The following PELI1 variants were observed in gnomAD, a reference collection of about 807,000 sequenced individuals.
PELI1 encodes the protein E3 ubiquitin-protein ligase pellino homolog 1.
In PELI1, 15 loss-of-function variants were observed where a neutral mutation model predicts 41.3. The ratio of observed to expected loss-of-function variants is 0.36; its 90% CI spans 0.24 to 0.56. PELI1 has a LOEUF of 0.56. PELI1 is among the 20% of genes least tolerant of loss of function. The pLI is 0.82. For synonymous variants in PELI1, 178 were observed against 180.1 expected (o/e 0.99, Z 0.09); for missense variants, 403 against 525.5 (o/e 0.77, Z 2.28).
intron 1 of PELI1, among the ~76,000 whole-genome samples, chr2:64,115,016 T>A (rs1306841358): frequency 6.6e-6 from 1 of 152,220 alleles, no homozygotes; most frequent in Non-Finnish European, 1.5e-5. Context: ...CTAAGACTTG[T>A]GTTAGTAAAG....
intron 1 of PELI1, among the ~76,000 whole-genome samples, chr2:64,114,599 C>T (rs1023197295): frequency 6.6e-6 from 1 of 152,172 alleles, no homozygotes; most frequent in Non-Finnish European, 1.5e-5. Flanking sequence ...ATATCACCTA[C>T]AGGGATAACT....
At position 64,103,298 on chromosome 2, in the gene PELI1, G is replaced by C. The variant is rs560275009; in HGVS notation, c.201+1403C>G. Among the ~76,000 whole-genome samples the C allele has an allele frequency of 2.0e-5, 3 of 152,306 alleles. No individual in the cohort carries two copies. The South Asian group carries it at 6.2e-4, about 32-fold the overall frequency. ...GGCAGGGATTAGAAATATTTTCCCT[G>C]ATAGTGGTTTTCAACCAGAGGTAGT... On this transcript the variant is annotated intron_variant, in intron 3 of 6. Transcript: ENST00000358912.
chr2:64,105,654 A>C (rs1330190228), intron 2 of PELI1, among the ~76,000 whole-genome samples: 1 of 152,220 alleles, frequency 6.6e-6, no homozygotes, highest in Non-Finnish European at 1.5e-5. Flanking sequence ...ACAGACTCAG[A>C]AGAATTATAT....
chr2:64,143,473 C>T (rs1681984839), intron 1 of PELI1: 1 of 152,120 alleles, frequency 6.6e-6, no homozygotes, highest in African/African-American at 2.4e-5. Flanking sequence ...AATTTGAGAG[C>T]TTTTCACGAC....
At chr2:64,104,538 G>T in intron 3 of PELI1, 163 bp downstream of exon 3, 3 of 1,086,660 alleles carry the variant, frequency 2.8e-6, no homozygotes, top group East Asian at 2.9e-5. Flanking sequence ...CTTCCATATG[G>T]CAGCTCTTCA....
chr2:64,142,755 T>C (rs530603603), intron 1 of PELI1, among the ~76,000 whole-genome samples: 2 of 152,334 alleles, frequency 1.3e-5, no homozygotes, highest in East Asian at 3.9e-4. Context: ...TTAAAATATT[T>C]TAAATTCACC....
intron 1 of PELI1, among the ~76,000 whole-genome samples, chr2:64,132,584 T>C (rs1443819793): frequency 1.3e-5 from 2 of 152,190 alleles, no homozygotes; most frequent in Non-Finnish European, 2.9e-5. Context: ...TTAACTTGAA[T>C]GACCACCTAT....
In PELI1 at chr2:64,092,951, A is replaced by C. The variant is rs1185260343; in HGVS notation, c.*1751T>G. On this transcript the variant is annotated 3_prime_UTR_variant, in exon 7 of 7. Transcript: ENST00000358912. ...TAGCCTGAATAAAAATGACTAGAAC[A>C]AATACAACACAGGACTTGCTTTCTT... 1 of 152,480 alleles carries C rather than the reference A, an allele frequency of 6.6e-6. No homozygotes were observed. Among genetic ancestry groups the C allele is most frequent in the Non-Finnish European group, 1.5e-5 (1 of 68,038 alleles). 9.4% of individuals were successfully genotyped at this position (152,480 alleles called of 1,614,324 possible). A position where few individuals can be genotyped will look rare whatever the true frequency, so the allele number is the denominator to read the frequency against.
chr2:64,136,493 G>A (rs1161995810), intron 1 of PELI1, among the ~76,000 whole-genome samples: 1 of 152,176 alleles, frequency 6.6e-6, no homozygotes, highest in African/African-American at 2.4e-5. Flanking sequence ...AGGAAGCTTT[G>A]TTAAAGTATT....
rs1680191535 is a variant in PELI1, at chr2:64,095,215, A to G, written c.744T>C (p.Gly248=). The change falls in exon 7 of 7, where the codon GGT becomes GGC. Residue 248 remains glycine, a synonymous_variant. Transcript: ENST00000358912. ...CTGCAGTACGCCATAACAATGTTGC[A>G]CCACAGAGGTCAATTAACGAGCCAT... ...LQDGSLIDLC[G]ATLLWRTAEG... 9 of 1,614,034 alleles carry G rather than the reference A, an allele frequency of 5.6e-6. No individual in the cohort carries two copies. Among genetic ancestry groups the G allele is most frequent in the Non-Finnish European group, 7.6e-6 (9 of 1,180,008 alleles).
Position 64,094,813 on chromosome 2 carries a change from G to C in PELI1, c.1146C>G (p.Ile382Met), listed in dbSNP as rs761013090. The C allele has an allele frequency of 6.2e-7, 1 of 1,614,042 alleles. No individual in the cohort carries two copies. Among genetic ancestry groups the C allele is most frequent in the Non-Finnish European group, 8.5e-7 (1 of 1,180,006 alleles). The change falls in exon 7 of 7, where the codon ATC becomes ATG. Residue 382 changes from isoleucine (I) to methionine (M), a missense_variant. By Grantham distance (10) the Ile-to-Met change is conservative (BLOSUM62 1). Coordinates refer to ENST00000358912, the MANE Select transcript of PELI1 (RefSeq NM_020651.4). ...SEKTTAYWSQ[I>M]PLPHGTHTFH... ...AAGTATGAGTACCATGAGGAAGTGG[G>C]ATCTGGGACCAATAGGCAGTTGTCT...
rs199942680 is a variant in PELI1 at position 64,100,723 on chromosome 2, T to TA, written c.202-225dup. ...TAGAAGCAGTTACAGAATAAAAACA[T>TA]AACTTTCTTTCTTTTTTTTTAAAGA... On this transcript the variant is annotated intron_variant, in intron 3 of 6. Transcript: ENST00000358912. Among the ~76,000 whole-genome samples, 1,211 of 152,156 alleles carry TA rather than the reference T, an allele frequency of 8.0e-3. 58 individuals are homozygous for TA. The highest frequency in any genetic ancestry group is 0.06 in the Admixed American group (919 of 15,278).
chr2:64,110,247 GAAAAAAAAAAAAA>G (rs796716135), intron 1 of PELI1, among the ~76,000 whole-genome samples: 11,125 of 101,040 alleles, frequency 0.11, 700 homozygotes, highest in African/African-American at 0.21. Flanking sequence ...TCCGTCTCAA[GAAAAAAAAAAAAA>G]AAAAAAAAGA....
At chr2:64,101,119 A>G (rs1439032289) in intron 3 of PELI1, among the ~76,000 whole-genome samples, 1 of 152,158 alleles carries the variant, frequency 6.6e-6, no homozygotes, top group African/African-American at 2.4e-5. Context: ...ACAGAAAACA[A>G]TAGTACTGCT....
intron 3 of PELI1, among the ~76,000 whole-genome samples, chr2:64,104,288 T>C (rs114973649): frequency 2.1e-3 from 313 of 152,112 alleles, no homozygotes; most frequent in African/African-American, 7.2e-3. Context: ...CTCATCCAAA[T>C]GTGCTTCTAA....
chr2:64,124,277 TTAAG>T (rs1681316441), intron 1 of PELI1, among the ~76,000 whole-genome samples: 1 of 152,266 alleles, frequency 6.6e-6, no homozygotes, highest in South Asian at 2.1e-4. Flanking sequence ...AGTGTACACT[TTAAG>T]TGTTTACATA....
intron 1 of PELI1, among the ~76,000 whole-genome samples, chr2:64,115,075 T>C (rs985410966): frequency 1.3e-5 from 2 of 152,184 alleles, no homozygotes; most frequent in Admixed American, 6.5e-5. Flanking sequence ...CTAGAATTGA[T>C]AGGGGCTGAG....
chr2:64,141,127 C>G (rs1278350330), intron 1 of PELI1, among the ~76,000 whole-genome samples: 1 of 152,146 alleles, frequency 6.6e-6, no homozygotes, highest in Non-Finnish European at 1.5e-5. Flanking sequence ...TAGACTTCAA[C>G]TAGAATTTTG....
At position 64,130,442 on chromosome 2, in the gene PELI1, G is replaced by T. The variant is rs116816432; in HGVS notation, c.-70+13639C>A. The stretch of plus-strand genomic sequence containing the variant: ...AGGCCCATTTGATGTTCTTTTCCCA[G>T]TCTGAAAGTTTTTCCTTATTCCCTA... On this transcript the variant is annotated intron_variant, in intron 1 of 6. Transcript: ENST00000358912. Among the ~76,000 whole-genome samples, 388 of 152,246 alleles carry T rather than the reference G, an allele frequency of 2.5e-3. 1 individual carries two copies. The highest frequency in any genetic ancestry group is 9.0e-3 in the African/African-American group (373 of 41,556).
Sources: gnomAD v4.1 joint callset for allele counts (sites outside exome capture counted in the v4.1 genomes callset) on GRCh38, gnomAD v4.1.1 for gene constraint, MANE v1.5 for transcripts, NCBI Gene and HGNC (gene_info 2026-07-23, HGNC 2026-07-21) for gene names.